Variants in GASK1A observed in about 807,000 individuals in gnomAD.
GASK1A encodes Golgi-associated kinase 1A.
A neutral mutation model predicts 41.2 loss-of-function variants in GASK1A; 40 were observed. The ratio of observed to expected loss-of-function variants is 0.97; its 90% CI spans 0.75 to 1.27. The LOEUF (loss-of-function observed/expected upper bound fraction) is 1.27, where lower values mean the gene tolerates loss of function less well. Among genes scored for constraint, GASK1A ranks in the 50% most tolerant of loss-of-function variants. The pLI is 0.00. For synonymous variants in GASK1A, 316 were observed against 307.1 expected (o/e 1.03, Z -0.30); for missense variants, 678 against 745.1 (o/e 0.91, Z 1.05).
At chr3:43,001,671 C>T (rs2089409719) in intron 1 of GASK1A, among the ~76,000 whole-genome samples, 1 of 152,124 alleles carries the variant, frequency 6.6e-6, no homozygotes, top group Non-Finnish European at 1.5e-5. Flanking sequence ...TTTCCAGGAG[C>T]CTCAGTGAGA....
At chr3:43,033,700 C>T in intron 2 of GASK1A, 147 bp downstream of exon 2, 1 of 730,304 alleles carries the variant, frequency 1.4e-6, no homozygotes, top group Non-Finnish European at 2.1e-6. Flanking sequence ...TTGTAATTTT[C>T]CTGCCTCTGT....
chr3:43,041,519 T>G (rs2089638073), intron 2 of GASK1A, among the ~76,000 whole-genome samples: 1 of 152,254 alleles, frequency 6.6e-6, no homozygotes, highest in South Asian at 2.1e-4. Context: ...TGCATAAATG[T>G]CTTCTTTTGA....
intron 1 of GASK1A, among the ~76,000 whole-genome samples, chr3:43,025,276 A>G (rs11711770): frequency 0.19 from 28,458 of 152,082 alleles, 2,783 homozygotes; most frequent in South Asian, 0.36. Flanking sequence ...AGAGCTGTTT[A>G]GGAGGAAAAA....
At chr3:42,999,324 T>C (rs2125676398) in intron 1 of GASK1A, among the ~76,000 whole-genome samples, 1 of 152,344 alleles carries the variant, frequency 6.6e-6, no homozygotes, top group East Asian at 1.9e-4. Context: ...TGGTGCATAC[T>C]GGTGCTTCTC....
intron 1 of GASK1A, among the ~76,000 whole-genome samples, chr3:43,024,033 G>A (rs1029285672): frequency 1.3e-5 from 2 of 152,116 alleles, no homozygotes; most frequent in Non-Finnish European, 2.9e-5. Flanking sequence ...GACATAACGT[G>A]GGTGTGTTCA....
intron 1 of GASK1A, among the ~76,000 whole-genome samples, chr3:42,987,844 CA>C: frequency 6.6e-6 from 1 of 151,692 alleles, no homozygotes; most frequent in East Asian, 2.0e-4. Flanking sequence ...ACTGAAAATA[CA>C]AAAATTAGCT....
intron 1 of GASK1A, among the ~76,000 whole-genome samples, chr3:42,988,107 C>T (rs2089321834): frequency 6.6e-6 from 1 of 152,030 alleles, no homozygotes; most frequent in Admixed American, 6.5e-5. Context: ...TGATGCTCTC[C>T]TCCAGCCAGT....
At chr3:43,042,072 A>G (rs2089640692) in intron 2 of GASK1A, among the ~76,000 whole-genome samples, 1 of 152,168 alleles carries the variant, frequency 6.6e-6, no homozygotes, top group African/African-American at 2.4e-5. Context: ...CAGAGACATG[A>G]CATGTTTCTT....
chr3:43,044,411 G>A lies in GASK1A; in HGVS notation c.1291-9110G>A, dbSNP rs79913336. On this transcript the variant is annotated intron_variant, in intron 2 of 4. Transcript: ENST00000430121. The stretch of plus-strand genomic sequence containing the variant: ...TGGGGGGTGAGGACAGTGCTTTTTC[G>A]GAGGGAACCACTGGCCTGTCCCCTC... Among the ~76,000 whole-genome samples the A allele has an allele frequency of 9.2e-5, 14 of 152,156 alleles. No homozygotes were observed. The South Asian group carries it at 2.7e-3, about 29-fold the overall frequency.
At chr3:43,001,246 A>G (rs2089407453) in intron 1 of GASK1A, among the ~76,000 whole-genome samples, 1 of 151,996 alleles carries the variant, frequency 6.6e-6, no homozygotes, top group Non-Finnish European at 1.5e-5. Flanking sequence ...AAGAAGTTCC[A>G]CGTCATGACA....
chr3:43,004,468 G>C (rs1357430855), intron 1 of GASK1A, among the ~76,000 whole-genome samples: 1 of 152,074 alleles, frequency 6.6e-6, no homozygotes, highest in Non-Finnish European at 1.5e-5. Context: ...TCACACAAGA[G>C]CCTACACCCA....
chr3:43,017,507 AC>A (rs1311270684), intron 1 of GASK1A, among the ~76,000 whole-genome samples: 4 of 146,916 alleles, frequency 2.7e-5, no homozygotes, highest in Non-Finnish European at 6.0e-5. Context: ...GTGTCAAGCT[AC>A]AGGAAGGGGC....
intron 1 of GASK1A, among the ~76,000 whole-genome samples, chr3:43,010,702 G>A (rs2089459304): frequency 6.6e-6 from 1 of 152,148 alleles, no homozygotes; most frequent in Non-Finnish European, 1.5e-5. Context: ...TCCCAACTGA[G>A]AACCATCATT....
chr3:42,997,420 G>A (rs1462629163), intron 1 of GASK1A, among the ~76,000 whole-genome samples: 2 of 77,186 alleles, frequency 2.6e-5, no homozygotes, highest in African/African-American at 7.5e-5. Context: ...TCACACGCAT[G>A]AGAGAGAGAC....
chr3:42,986,217 A>G lies in GASK1A; in HGVS notation c.3+6572A>G, dbSNP rs867301172. Among the ~76,000 whole-genome samples, 5 of 152,216 alleles carry G rather than the reference A, an allele frequency of 3.3e-5. 1 individual carries two copies. The South Asian group carries it at 1.0e-3, about 32-fold the overall frequency. On this transcript the variant is annotated intron_variant, in intron 1 of 4. Coordinates refer to ENST00000430121, the MANE Select transcript of GASK1A (RefSeq NM_001129908.3). ...GCATTATGCTGACTGGGAGAAACCA[A>G]TCCTACTGGGTTACATACTGTGGTA...
intron 1 of GASK1A, among the ~76,000 whole-genome samples, chr3:43,014,855 G>A (rs2089481789): frequency 6.6e-6 from 1 of 152,114 alleles, no homozygotes; most frequent in Non-Finnish European, 1.5e-5. Context: ...GGAAGGGGCT[G>A]TGTGAAGCCA....
chr3:42,984,160 C>T lies in GASK1A; in HGVS notation c.3+4515C>T, dbSNP rs543248623. 1.3e-5 allele frequency among the ~76,000 whole-genome samples: 2 copies of T among 151,900 alleles called. No homozygotes were observed. Among genetic ancestry groups the T allele is most frequent in the Admixed American group, 1.3e-4 (2 of 15,264 alleles). The stretch of plus-strand genomic sequence containing the variant: ...GTGTTTCTGCCTAGGGAGTTTAGGG[C>T]GTGATCCCTCATTTTCTGGATGTGT... On this transcript the variant is annotated intron_variant, in intron 1 of 4. Coordinates refer to ENST00000430121, the MANE Select transcript of GASK1A (RefSeq NM_001129908.3). This position sits in a 1 kb window ranked among gnomAD's most constrained non-coding sequence, Gnocchi z 4.2.
intron 1 of GASK1A, among the ~76,000 whole-genome samples, chr3:42,999,548 G>T (rs1056578179): frequency 3.9e-5 from 6 of 152,244 alleles, no homozygotes; most frequent in African/African-American, 1.4e-4. Flanking sequence ...AGGTGGGCAT[G>T]CTGGGCCTGG....
chr3:42,984,548 G>A lies in GASK1A; in HGVS notation c.3+4903G>A, dbSNP rs2089298979. Among the ~76,000 whole-genome samples, 1 of 152,150 alleles carries A rather than the reference G, an allele frequency of 6.6e-6. No individual in the cohort carries two copies. The highest frequency in any genetic ancestry group is 2.4e-5 in the African/African-American group (1 of 41,422). Reference sequence around the variant, plus strand: ...AATCCTGGGGTCAAGGAGGCTAAGAGTGGAAGGAAAGCAGGATGAGGGCTG... The same window carrying A: ...AATCCTGGGGTCAAGGAGGCTAAGAATGGAAGGAAAGCAGGATGAGGGCTG... On this transcript the variant is annotated intron_variant, in intron 1 of 4. Coordinates refer to ENST00000430121, the MANE Select transcript of GASK1A (RefSeq NM_001129908.3). The surrounding 1 kb of genome is among the most constrained non-coding windows in gnomAD (Gnocchi z 4.2).
Sources: gnomAD v4.1 joint callset for allele counts (sites outside exome capture counted in the v4.1 genomes callset) on GRCh38, gnomAD v4.1.1 for gene constraint, Gnocchi (gnomAD v3.1) non-coding constraint, MANE v1.5 for transcripts, NCBI Gene and HGNC (gene_info 2026-07-23, HGNC 2026-07-21) for gene names.